MRPL43: variants seen among roughly 807,000 people sequenced by gnomAD.
MRPL43 encodes the protein large ribosomal subunit protein mL43.
Under a neutral mutation model 12.7 loss-of-function variants are expected in MRPL43, and 9 were observed. That is an observed-to-expected ratio of 0.71 (90% confidence interval 0.43 to 1.24). The LOEUF (loss-of-function observed/expected upper bound fraction) is 1.24. Ranked by LOEUF, MRPL43 falls within the 50% of genes most tolerant of loss-of-function variation. MRPL43 has a pLI of 0.00. For missense variants in MRPL43, 211 were observed against 229.2 expected (o/e 0.92, Z 0.51); for synonymous variants, 116 against 96.4 (o/e 1.20, Z -1.19).
downstream of MRPL43, among the ~76,000 whole-genome samples, chr10:100,981,786 A>G (rs1266986339): frequency 6.6e-6 from 1 of 152,212 alleles, no homozygotes; most frequent in African/African-American, 2.4e-5. Context: ...GGCTGAGTAC[A>G]GTGGCTCACG....
chr10:100,982,181 G>A (rs1589995425), downstream of MRPL43, among the ~76,000 whole-genome samples: 1 of 151,910 alleles, frequency 6.6e-6, no homozygotes, highest in South Asian at 2.1e-4. Context: ...GGCAAGCAGA[G>A]GACATGGGGT....
In MRPL43 at chr10:100,986,765, T is replaced by A; in HGVS notation, c.449A>T (p.Asp150Val). ...FRGLRPREVQDPAPAQVQAQ is the reference protein window; with the variant it reads ...FRGLRPREVQVPAPAQVQAQ The stretch of plus-strand genomic sequence containing the variant: ...TGCTTGCACCTGGGCTGGGGCAGGA[T>A]CCTGAACCTCTCGGGGGCGTAGCCC... Residue 150 changes from aspartate to valine, a missense_variant, in exon 3 of 3, where the codon GAT becomes GTT. Transcript: ENST00000318364. 1 of 1,613,848 alleles carries A rather than the reference T, an allele frequency of 6.2e-7. No homozygotes were observed. The highest frequency in any genetic ancestry group is 8.5e-7 in the Non-Finnish European group (1 of 1,180,004).
At chr10:100,979,071 G>A, downstream of MRPL43, 1 of 1,613,178 alleles carries the variant, frequency 6.2e-7, no homozygotes, top group South Asian at 1.1e-5. Context: ...CTCTGACCCT[G>A]GCCCCTTATC....
In MRPL43 at chr10:100,986,571, C is replaced by A; in HGVS notation, c.*163G>T. The stretch of plus-strand genomic sequence containing the variant: ...CAAGGTCACTGCCCCCAGAAGCAGG[C>A]ACTGGAAAGAAACAGGCAGCTCTTC... On this transcript the variant is annotated 3_prime_UTR_variant, in exon 3 of 3. Coordinates refer to ENST00000318364, the MANE Select transcript of MRPL43 (RefSeq NM_032112.3). The A allele has an allele frequency of 6.3e-7, 1 of 1,581,986 alleles. No individual in the cohort carries two copies.
chr10:100,978,474 T>C, downstream of MRPL43: 1 of 1,597,474 alleles, frequency 6.3e-7, no homozygotes, highest in Non-Finnish European at 8.6e-7. Flanking sequence ...GTATATGTCA[T>C]GTGCCCTGTT....
chr10:100,985,054 C>T (rs979738620), downstream of MRPL43: 13 of 771,530 alleles, frequency 1.7e-5, no homozygotes, highest in African/African-American at 3.5e-5. Flanking sequence ...GAGGGAGATC[C>T]CCCTCCCATT....
chr10:100,980,334 T>C (rs1564797037), downstream of MRPL43: 3 of 1,613,982 alleles, frequency 1.9e-6, no homozygotes, highest in African/African-American at 4.0e-5. Flanking sequence ...ACCTGCTCTT[T>C]CTGGGCACAG....
chr10:100,985,706 C>G (rs1181727706), downstream of MRPL43: 1 of 152,472 alleles, frequency 6.6e-6, no homozygotes, highest in Non-Finnish European at 1.5e-5. Context: ...ATATCTGCCT[C>G]CAGGATTGGC....
At chr10:100,983,724 G>A (rs769355889), downstream of MRPL43, 1 of 1,613,496 alleles carries the variant, frequency 6.2e-7, no homozygotes, top group Non-Finnish European at 8.5e-7. Context: ...TCTGCGGGAA[G>A]GCAGACGAGG....
At chr10:100,980,643 G>A, downstream of MRPL43, 1 of 1,614,242 alleles carries the variant, frequency 6.2e-7, no homozygotes, top group Non-Finnish European at 8.5e-7. Context: ...AGAGACACAA[G>A]TGTTCAGGGA....
At chr10:100,984,603 C>T (rs1322261528), downstream of MRPL43, 1 of 1,536,240 alleles carries the variant, frequency 6.5e-7, no homozygotes, top group Non-Finnish European at 8.7e-7. Flanking sequence ...GCCCTGCGTA[C>T]ATTCACATGC....
downstream of MRPL43, chr10:100,978,699 C>G: frequency 1.9e-6 from 3 of 1,572,260 alleles, no homozygotes; most frequent in Non-Finnish European, 2.6e-6. Flanking sequence ...CATTTTTACT[C>G]CCTTGGCCAG....
At chr10:100,981,099 T>C, downstream of MRPL43, 1 of 1,608,520 alleles carries the variant, frequency 6.2e-7, no homozygotes, top group East Asian at 2.2e-5. Context: ...GTAACAGACC[T>C]ATCTACCCTT....
At position 100,986,857 on chromosome 10, in the gene MRPL43, G is replaced by GA. The variant is rs762597219; in HGVS notation, c.356dup (p.His120ProfsTer6). On this transcript the variant is annotated frameshift_variant, in exon 3 of 3. Coordinates refer to ENST00000318364, the MANE Select transcript of MRPL43 (RefSeq NM_032112.3). LOFTEE classifies it high-confidence loss of function. ...CCTGGATGCTAGGGTTGTCGGTGTG[G>GA]AAGGGCTTGCGGATGCGGATCACGT... 1 of 1,613,798 alleles carries GA rather than the reference G, an allele frequency of 6.2e-7. No individual in the cohort carries two copies. Among genetic ancestry groups the GA allele is most frequent in the Admixed American group, 1.7e-5 (1 of 60,030 alleles).
chr10:100,986,783 C>T lies in MRPL43; in HGVS notation c.431G>A (p.Arg144His), dbSNP rs747149437. 5 of 1,613,816 alleles carry T rather than the reference C, an allele frequency of 3.1e-6. No individual in the cohort carries two copies. The highest frequency in any genetic ancestry group is 4.2e-6 in the Non-Finnish European group (5 of 1,180,022). The change falls in exon 3 of 3, where the codon CGC (arginine) becomes CAC (histidine). Residue 144 changes from arginine (R) to histidine (H), a missense_variant. Coordinates refer to ENST00000318364, the MANE Select transcript of MRPL43 (RefSeq NM_032112.3). ...TNKPTTFRGL[R>H]PREVQDPAPA... Reference sequence around the variant, plus strand: ...GGCAGGATCCTGAACCTCTCGGGGGCGTAGCCCGCGGAACGTGGTCGGCTT... The same window carrying T: ...GGCAGGATCCTGAACCTCTCGGGGGTGTAGCCCGCGGAACGTGGTCGGCTT...
At chr10:100,981,269 T>C (rs759293753), downstream of MRPL43, 2 of 1,606,552 alleles carry the variant, frequency 1.2e-6, no homozygotes, top group South Asian at 2.2e-5. Flanking sequence ...CTACGCAGAC[T>C]GTCCTCTTTG....
downstream of MRPL43, chr10:100,979,266 A>G (rs146235728): frequency 1.2e-4 from 187 of 1,614,194 alleles, 1 homozygote; most frequent in African/African-American, 2.2e-3. Flanking sequence ...CGCTGAGCAC[A>G]CAGTGGTCAG....
chr10:100,986,691 G>C lies in MRPL43; in HGVS notation c.*43C>G. On this transcript the variant is annotated 3_prime_UTR_variant, in exon 3 of 3. Transcript: ENST00000318364. The stretch of plus-strand genomic sequence containing the variant: ...AAGGGGAAGAACCACCTTTACCGGA[G>C]TAACAGTCCAAAGCCTGGGGCTGCA... The C allele has an allele frequency of 6.2e-7, 1 of 1,613,872 alleles. No homozygotes were observed. Among genetic ancestry groups the C allele is most frequent in the Non-Finnish European group, 8.5e-7 (1 of 1,179,870 alleles).
chr10:100,984,545 T>C (rs1309192746), downstream of MRPL43: 1 of 1,536,182 alleles, frequency 6.5e-7, no homozygotes, highest in Non-Finnish European at 8.7e-7. Context: ...CATGGCCCTG[T>C]GTGCTGGATG....
Sources: gnomAD v4.1 joint callset for allele counts (sites outside exome capture counted in the v4.1 genomes callset) on GRCh38, gnomAD v4.1.1 for gene constraint, MANE v1.5 for transcripts, NCBI Gene and HGNC (gene_info 2026-07-23, HGNC 2026-07-21) for gene names.